Variants in ABCA10 observed in about 807,000 individuals in gnomAD.
ABCA10 encodes ATP-binding cassette sub-family A member 10.
ABCA10 carries 169 observed loss-of-function variants against 187.5 expected under a neutral mutation model. The ratio of observed to expected loss-of-function variants is 0.90; its 90% confidence interval spans 0.80 to 1.02. ABCA10 has a LOEUF of 1.02. Ranked by LOEUF, ABCA10 falls within the 50% of genes least tolerant of loss-of-function variation. The pLI is 0.00. For synonymous variants in ABCA10, 574 were observed against 601.8 expected, an observed-to-expected ratio of 0.95 and a Z score of 0.68; for missense variants, 1,727 against 1,812.4, an observed-to-expected ratio of 0.95 and a Z score of 0.86.
At chr17:69,154,528 G>A (rs1191906302) in intron 30 of ABCA10, among the ~76,000 whole-genome samples, 2 of 149,880 alleles carry the variant, frequency 1.3e-5, no homozygotes, top group Non-Finnish European at 3.0e-5. Context: ...GGGCTCAAGC[G>A]ATCTTCCTGC....
In ABCA10 at chr17:69,152,458, T is replaced by C; in HGVS notation, c.4160A>G (p.Lys1387Arg). The change falls in exon 35 of 39, where the codon AAA (lysine) becomes AGA (arginine). Residue 1387 changes from lysine to arginine, a missense_variant. Lys to Arg is a conservative substitution (Grantham distance 26, BLOSUM62 2). Coordinates refer to ENST00000690296, the MANE Select transcript of ABCA10 (RefSeq NM_001377321.1). ...CAAGAGGGTGCCCCTCTCCTTGTTT[T>C]TAACGGTAGCCTGAAGTATCTGCCT... ...QMWQILQATV[K>R]NKERGTLLTT... 2 of 1,613,778 alleles carry C rather than the reference T, an allele frequency of 1.2e-6. No homozygotes were observed. Among genetic ancestry groups the C allele is most frequent in the Non-Finnish European group, 1.7e-6 (2 of 1,179,836 alleles).
At chr17:69,163,700 T>C (rs1026278751) in intron 27 of ABCA10, among the ~76,000 whole-genome samples, 2 of 152,198 alleles carry the variant, frequency 1.3e-5, no homozygotes, top group Non-Finnish European at 2.9e-5. Flanking sequence ...CTTTCCCCAC[T>C]ATAAAATTTC....
chr17:69,244,174 T>C (rs1167401476), intron 1 of ABCA10: 3 of 152,124 alleles, frequency 2.0e-5, no homozygotes, highest in Non-Finnish European at 2.9e-5. Context: ...TACAAAAAAA[T>C]ACATTCAAGA....
rs34361870 is a variant in ABCA10 at position 69,182,294 on chromosome 17, G to GA, written c.2632-5dup. The GA allele has an allele frequency of 9.0e-5, 135 of 1,504,100 alleles. 1 individual carries two copies. In the African/African-American group the frequency reaches 1.5e-3, roughly 17 times the overall value. 93.2% of individuals were successfully genotyped at this position (1,504,100 alleles called of 1,614,324 possible). On this transcript the variant is annotated splice_polypyrimidine_tract_variant and splice_region_variant and intron_variant, in intron 21 of 38. Transcript: ENST00000690296. ...ACGCAACAGAAAATCTGTAATCCTTGAAAAAAAGTACACAAATATAAGTTA... is the reference window on the plus strand; with the variant it reads ...ACGCAACAGAAAATCTGTAATCCTTGAAAAAAAAGTACACAAATATAAGTTA...
chr17:69,188,286 C>T (rs1459587636), intron 18 of ABCA10, among the ~76,000 whole-genome samples: 3 of 152,104 alleles, frequency 2.0e-5, no homozygotes, highest in Admixed American at 6.6e-5. Context: ...ATCTCAGTAA[C>T]GAGTTCAAGA....
intron 3 of ABCA10, among the ~76,000 whole-genome samples, chr17:69,224,411 C>CTA (rs2074776013): frequency 6.6e-6 from 1 of 152,056 alleles, no homozygotes; most frequent in Non-Finnish European, 1.5e-5. Context: ...TGATAGTAGG[C>CTA]TAAGATTGCT....
At chr17:69,231,619 G>A (rs971076355), upstream of ABCA10, among the ~76,000 whole-genome samples, 10 of 152,004 alleles carry the variant, frequency 6.6e-5, no homozygotes, top group African/African-American at 2.4e-4. Flanking sequence ...ATTCCATTGT[G>A]GTCAGAAAAG....
At chr17:69,213,405 T>A (rs1301586107) in intron 9 of ABCA10, among the ~76,000 whole-genome samples, 12 of 105,180 alleles carry the variant, frequency 1.1e-4, no homozygotes. Flanking sequence ...GGCGACAGGT[T>A]TGCGGGTGGG....
intron 18 of ABCA10, among the ~76,000 whole-genome samples, chr17:69,188,997 C>A (rs972844459): frequency 1.3e-5 from 2 of 151,976 alleles, no homozygotes; most frequent in African/African-American, 4.8e-5. Context: ...ATGAACGTAT[C>A]TGTATATGTC....
At chr17:69,184,833 TTA>T (rs1469865709) in intron 20 of ABCA10, among the ~76,000 whole-genome samples, 1 of 132,722 alleles carries the variant, frequency 7.5e-6, no homozygotes, top group African/African-American at 2.8e-5. Flanking sequence ...ATTAAAAAAG[TTA>T]TATATATATG....
chr17:69,239,014 G>T (rs371794552), intron 1 of ABCA10, among the ~76,000 whole-genome samples: 1 of 152,198 alleles, frequency 6.6e-6, no homozygotes, highest in Non-Finnish European at 1.5e-5. Flanking sequence ...TGTTGTCAAA[G>T]ATAACATGGC....
intron 10 of ABCA10, among the ~76,000 whole-genome samples, chr17:69,200,291 G>C (rs538213521): frequency 1.3e-5 from 2 of 152,236 alleles, no homozygotes; most frequent in South Asian, 4.1e-4. Flanking sequence ...TCATTTTTAA[G>C]ATGAAGAAAC....
chr17:69,191,085 C>G (rs1051415724), intron 17 of ABCA10, 91 bp downstream of exon 17: 2 of 1,190,860 alleles, frequency 1.7e-6, no homozygotes, highest in African/African-American at 3.1e-5. Context: ...TTTGTATAAG[C>G]TTTAGAACTC....
intron 25 of ABCA10, among the ~76,000 whole-genome samples, chr17:69,171,788 A>G (rs2074299917): frequency 6.6e-6 from 1 of 152,190 alleles, no homozygotes; most frequent in African/African-American, 2.4e-5. Flanking sequence ...CAAAGTGATA[A>G]GAGAAAATGA....
At chr17:69,176,800 T>C (rs913373615) in intron 22 of ABCA10, among the ~76,000 whole-genome samples, 1 of 152,170 alleles carries the variant, frequency 6.6e-6, no homozygotes, top group African/African-American at 2.4e-5. Context: ...TCTAGAATTT[T>C]CTATTTAATA....
intron 21 of ABCA10, 23 bp from the exon 22 acceptor site, chr17:69,182,313 TA>T: frequency 7.0e-7 from 1 of 1,433,328 alleles, no homozygotes. Flanking sequence ...TACACAAATA[TA>T]AGTTATAAAT....
At chr17:69,210,355 A>G (rs1411282236) in intron 9 of ABCA10, among the ~76,000 whole-genome samples, 1 of 147,398 alleles carries the variant, frequency 6.8e-6, no homozygotes, top group Non-Finnish European at 1.5e-5. Flanking sequence ...GCGCCCGGCT[A>G]ATTTTTTGTA....
At chr17:69,174,543 T>A in intron 24 of ABCA10, 64 bp downstream of exon 24, 2 of 1,491,728 alleles carry the variant, frequency 1.3e-6, no homozygotes, top group East Asian at 2.3e-5. Context: ...AAAACATTCA[T>A]GAAAATGAAT....
chr17:69,167,625 T>G (rs1329305282), intron 25 of ABCA10, among the ~76,000 whole-genome samples: 1 of 151,976 alleles, frequency 6.6e-6, no homozygotes, highest in Admixed American at 6.6e-5. Flanking sequence ...CACAAGACAA[T>G]TTGATGGAAA....
Sources: gnomAD v4.1 joint callset for allele counts (sites outside exome capture counted in the v4.1 genomes callset) on GRCh38, gnomAD v4.1.1 for gene constraint, MANE v1.5 for transcripts, NCBI Gene and HGNC (gene_info 2026-07-23, HGNC 2026-07-21) for gene names.